Variants in TRIM44 observed in about 807,000 individuals in gnomAD.
The protein encoded by TRIM44 is tripartite motif-containing protein 44.
Under a neutral mutation model 37.4 loss-of-function variants are expected in TRIM44, and 13 were observed. The ratio of observed to expected loss-of-function variants is 0.35; its 90% confidence interval spans 0.23 to 0.55. The LOEUF (loss-of-function observed/expected upper bound fraction) is 0.55. Among genes scored for constraint, TRIM44 ranks in the 20% least tolerant of loss-of-function variants. The pLI, the probability that TRIM44 is intolerant of heterozygous loss-of-function variation, is 0.89. For missense variants in TRIM44, 426 were observed against 437.2 expected, an observed-to-expected ratio of 0.97 and a Z score of 0.23; for synonymous variants, 175 against 157.2, an observed-to-expected ratio of 1.11 and a Z score of -0.85.
intron 2 of TRIM44, among the ~76,000 whole-genome samples, chr11:35,711,416 TATCTGACCTTGGGCAA>T (rs1383518256): frequency 6.6e-6 from 1 of 151,836 alleles, no homozygotes; most frequent in East Asian, 1.9e-4. Flanking sequence ...AGCTCAATGC[TATCTGACCTTGGGCAA>T]ATCTGTGCTT....
At chr11:35,772,787 G>A (rs1007587678) in intron 4 of TRIM44, among the ~76,000 whole-genome samples, 3 of 152,168 alleles carry the variant, frequency 2.0e-5, no homozygotes, top group African/African-American at 7.2e-5. Flanking sequence ...GACTTGTCTT[G>A]TCTCAGATAA....
At chr11:35,776,079 G>A (rs1565018432) in intron 4 of TRIM44, among the ~76,000 whole-genome samples, 2 of 152,110 alleles carry the variant, frequency 1.3e-5, no homozygotes, top group African/African-American at 2.4e-5. Flanking sequence ...GTAGATTTTG[G>A]TTGTTAATCC....
At chr11:35,666,958 A>C (rs998969039) in intron 1 of TRIM44, among the ~76,000 whole-genome samples, 2 of 152,050 alleles carry the variant, frequency 1.3e-5, no homozygotes, top group African/African-American at 4.8e-5. Context: ...TTCAATCCTT[A>C]TATCTGTTAT....
chr11:35,777,358 T>C (rs987880956), intron 4 of TRIM44, among the ~76,000 whole-genome samples: 7 of 152,192 alleles, frequency 4.6e-5, no homozygotes, highest in African/African-American at 1.7e-4. Context: ...TCTCTGCATG[T>C]GAGATGGGTC....
intron 2 of TRIM44, among the ~76,000 whole-genome samples, chr11:35,690,540 A>G (rs891871103): frequency 6.6e-6 from 1 of 152,218 alleles, no homozygotes; most frequent in African/African-American, 2.4e-5. Flanking sequence ...TCACTGGGGC[A>G]CTGTTTATTC....
chr11:35,746,646 G>C, intron 4 of TRIM44, among the ~76,000 whole-genome samples: 1 of 151,928 alleles, frequency 6.6e-6, no homozygotes, highest in East Asian at 1.9e-4. Context: ...AGAACTGTAG[G>C]GAGGTGGCTT....
Position 35,808,699 on chromosome 11 carries a change from C to T in TRIM44, c.*2314C>T, listed in dbSNP as rs889733405. The T allele has an allele frequency of 6.6e-6, 1 of 152,234 alleles. No individual in the cohort carries two copies. The highest frequency in any genetic ancestry group is 2.4e-5 in the African/African-American group (1 of 41,456). The allele number at this position is 152,234 out of a possible 1,614,324, so 9.4% of individuals were successfully genotyped here. Reference sequence around the variant, plus strand: ...CGTTTCAGATTTGCTTTATAGACTCCTGCTGTCTTCAGTACCTGATAAAAC... The same window carrying T: ...CGTTTCAGATTTGCTTTATAGACTCTTGCTGTCTTCAGTACCTGATAAAAC... On this transcript the variant is annotated 3_prime_UTR_variant, in exon 5 of 5. Transcript: ENST00000299413.
chr11:35,782,145 A>C (rs894854456), intron 4 of TRIM44, among the ~76,000 whole-genome samples: 1 of 152,222 alleles, frequency 6.6e-6, no homozygotes, highest in South Asian at 2.1e-4. Context: ...ACAATATTAC[A>C]TGTACTGATA....
intron 4 of TRIM44, among the ~76,000 whole-genome samples, chr11:35,766,764 C>T (rs1435785138): frequency 6.6e-6 from 1 of 152,208 alleles, no homozygotes; most frequent in Non-Finnish European, 1.5e-5. Flanking sequence ...TAAGCTCCAA[C>T]ATCTTAGAAC....
chr11:35,663,408 T>TGAGTCGGAGGAAGAGAGC lies in TRIM44; in HGVS notation c.303_320dup (p.Ser107_Glu112dup), dbSNP rs753156165. 56 of 1,584,800 alleles carry TGAGTCGGAGGAAGAGAGC rather than the reference T, an allele frequency of 3.5e-5. 1 individual carries two copies. The highest frequency in any genetic ancestry group is 1.6e-4 in the South Asian group (14 of 88,652). ...TAGAAAGCGAGGCAGGGGAAGAGAG[T>TGAGTCGGAGGAAGAGAGC]GAGTCGGAGGAAGAGAGCGAGTCAG... On this transcript the variant is annotated inframe_insertion, in exon 1 of 5. Transcript: ENST00000299413.
chr11:35,697,535 G>T (rs1423382939), intron 2 of TRIM44, among the ~76,000 whole-genome samples: 1 of 149,848 alleles, frequency 6.7e-6, no homozygotes, highest in African/African-American at 2.5e-5. Flanking sequence ...CATGTGCCAC[G>T]TTGGTGTGCT....
intron 4 of TRIM44, among the ~76,000 whole-genome samples, chr11:35,802,369 G>C (rs867842453): frequency 6.6e-6 from 1 of 152,094 alleles, no homozygotes; most frequent in Non-Finnish European, 1.5e-5. Context: ...TTCTAAAATT[G>C]TTACATGCTA....
Position 35,740,688 on chromosome 11 carries a change from G to C in TRIM44, c.1007+5243G>C, listed in dbSNP as rs527843354. Among the ~76,000 whole-genome samples, 28 of 152,302 alleles carry C rather than the reference G, an allele frequency of 1.8e-4. No individual in the cohort carries two copies. The South Asian group carries it at 5.2e-3, about 28-fold the overall frequency. On this transcript the variant is annotated intron_variant, in intron 4 of 4. Coordinates refer to ENST00000299413, the MANE Select transcript of TRIM44 (RefSeq NM_017583.6). ...TTTTTGATTCTGTCTGTGACTGACT[G>C]TGTGACCTTGGGCAAGTCATTTAAC...
intron 4 of TRIM44, among the ~76,000 whole-genome samples, chr11:35,765,866 C>G (rs1360337512): frequency 6.6e-6 from 1 of 152,146 alleles, no homozygotes; most frequent in Non-Finnish European, 1.5e-5. Flanking sequence ...ATAACTATGT[C>G]TCCTGTTTCT....
At chr11:35,727,813 G>A (rs945658554) in intron 3 of TRIM44, among the ~76,000 whole-genome samples, 6 of 152,184 alleles carry the variant, frequency 3.9e-5, no homozygotes, top group African/African-American at 1.4e-4. Flanking sequence ...CATATGCTAA[G>A]CATCCCATCT....
chr11:35,768,039 A>C (rs1462821408), intron 4 of TRIM44, among the ~76,000 whole-genome samples: 1 of 152,182 alleles, frequency 6.6e-6, no homozygotes, highest in Non-Finnish European at 1.5e-5. Context: ...ACTGAATCAC[A>C]TAGAGGGACC....
chr11:35,761,656 A>T (rs1455586293), intron 4 of TRIM44, among the ~76,000 whole-genome samples: 1 of 152,224 alleles, frequency 6.6e-6, no homozygotes, highest in East Asian at 1.9e-4. Context: ...AAAATTAAAC[A>T]TTCAAAGATA....
intron 4 of TRIM44, among the ~76,000 whole-genome samples, chr11:35,746,424 C>T (rs1359936481): frequency 6.7e-6 from 1 of 148,962 alleles, no homozygotes; most frequent in Non-Finnish European, 1.5e-5. Context: ...TTCTATTTTC[C>T]CAGCAGCTTC....
At chr11:35,776,765 T>G (rs1852971244) in intron 4 of TRIM44, among the ~76,000 whole-genome samples, 1 of 152,228 alleles carries the variant, frequency 6.6e-6, no homozygotes, top group Non-Finnish European at 1.5e-5. Flanking sequence ...TTGAGTGGTT[T>G]TGAGTGAGTT....
Sources: allele counts gnomAD v4.1 joint callset (sites outside exome capture counted in the v4.1 genomes callset), GRCh38; gene constraint gnomAD v4.1.1; transcripts MANE v1.5; gene names NCBI Gene and HGNC (gene_info 2026-07-23, HGNC 2026-07-21).